Variants in KCNH5 observed in about 807,000 individuals in gnomAD.
KCNH5 encodes the protein voltage-gated delayed rectifier potassium channel KCNH5.
Under a neutral mutation model 96.1 loss-of-function variants are expected in KCNH5, and 46 were observed. That is an observed-to-expected ratio of 0.48 (90% confidence interval 0.38 to 0.61). The LOEUF (loss-of-function observed/expected upper bound fraction) is 0.61, where lower values mean the gene tolerates loss of function less well. Ranked by LOEUF, KCNH5 falls within the 20% of genes least tolerant of loss-of-function variation. The pLI is 0.00. For synonymous variants in KCNH5, 439 were observed against 449.8 expected, an observed-to-expected ratio of 0.98 and a Z score of 0.30; for missense variants, 907 against 1,225.8, an observed-to-expected ratio of 0.74 and a Z score of 3.88.
chr14:62,776,238 G>T (rs1566656876), intron 10 of KCNH5, among the ~76,000 whole-genome samples: 1 of 151,946 alleles, frequency 6.6e-6, no homozygotes, highest in Non-Finnish European at 1.5e-5. Flanking sequence ...CTGCACTCCA[G>T]CCTGGGTGAC....
intron 7 of KCNH5, among the ~76,000 whole-genome samples, chr14:62,853,072 A>G (rs1186027038): frequency 6.6e-6 from 1 of 152,202 alleles, no homozygotes; most frequent in Non-Finnish European, 1.5e-5. Context: ...CAAACAGCAA[A>G]GCCATACCTA....
chr14:62,709,817 C>A (rs1884531443), intron 10 of KCNH5, among the ~76,000 whole-genome samples: 1 of 152,060 alleles, frequency 6.6e-6, no homozygotes. Flanking sequence ...GCTCAGAGTC[C>A]TGAAAAGCAA....
chr14:62,818,817 A>T (rs923491099), intron 8 of KCNH5, among the ~76,000 whole-genome samples: 54 of 152,336 alleles, frequency 3.5e-4, no homozygotes, highest in African/African-American at 1.3e-3. Flanking sequence ...TTTACAAATT[A>T]AATGCTATAC....
chr14:62,890,453 T>TG (rs1888683860), intron 7 of KCNH5, among the ~76,000 whole-genome samples: 1 of 151,754 alleles, frequency 6.6e-6, no homozygotes, highest in African/African-American at 2.4e-5. Context: ...CCCAGCACTT[T>TG]GGGAGGCCGA....
At chr14:62,901,452 C>T (rs1888924234) in intron 7 of KCNH5, among the ~76,000 whole-genome samples, 1 of 152,152 alleles carries the variant, frequency 6.6e-6, no homozygotes, top group Non-Finnish European at 1.5e-5. Context: ...ATGTTTAGCT[C>T]CCACTTAAAA....
chr14:62,731,949 C>A (rs1885059717), intron 10 of KCNH5, among the ~76,000 whole-genome samples: 1 of 152,174 alleles, frequency 6.6e-6, no homozygotes, highest in Admixed American at 6.5e-5. Context: ...AATTCCTCAG[C>A]CACACACAAG....
At chr14:62,891,276 G>A (rs1411326967) in intron 7 of KCNH5, among the ~76,000 whole-genome samples, 1 of 152,146 alleles carries the variant, frequency 6.6e-6, no homozygotes, top group Non-Finnish European at 1.5e-5. Flanking sequence ...GGAGCTAGAG[G>A]CTATTATCCT....
At chr14:62,826,818 C>T (rs1489221902) in intron 8 of KCNH5, among the ~76,000 whole-genome samples, 1 of 151,776 alleles carries the variant, frequency 6.6e-6, no homozygotes, top group Non-Finnish European at 1.5e-5. Context: ...TTTATAGTTA[C>T]TTTCATCATA....
chr14:62,962,239 C>G (rs1890227034), intron 6 of KCNH5, among the ~76,000 whole-genome samples: 1 of 152,122 alleles, frequency 6.6e-6, no homozygotes, highest in Non-Finnish European at 1.5e-5. Context: ...TGTTTCAGCC[C>G]TTTGACCAGG....
chr14:62,705,693 T>C lies in KCNH5; in HGVS notation c.*1815A>G, dbSNP rs745927338. On this transcript the variant is annotated 3_prime_UTR_variant, in exon 11 of 11. Coordinates refer to ENST00000322893, the MANE Select transcript of KCNH5 (RefSeq NM_139318.5). ...GGCATGTGAAGTTCAATAGAAATTC[T>C]AAAATAGCAACTGTTTTTATAAATC... is the stretch of plus-strand genomic sequence containing the variant. 9 of 152,070 alleles carry C rather than the reference T, an allele frequency of 5.9e-5. No homozygotes were observed. Among genetic ancestry groups the C allele is most frequent in the African/African-American group, 9.6e-5 (4 of 41,458 alleles). 9.4% of individuals were successfully genotyped at this position (152,070 alleles called of 1,614,324 possible).
intron 10 of KCNH5, among the ~76,000 whole-genome samples, chr14:62,727,283 T>C (rs1884948077): frequency 6.6e-6 from 1 of 152,060 alleles, no homozygotes; most frequent in Admixed American, 6.6e-5. Context: ...GAGAATCACT[T>C]GAACCTGGGA....
intron 9 of KCNH5, among the ~76,000 whole-genome samples, chr14:62,787,593 G>T (rs942249966): frequency 1.3e-5 from 2 of 151,646 alleles, no homozygotes; most frequent in African/African-American, 4.9e-5. Context: ...GATGCCATCT[G>T]GGACTTTCAT....
chr14:62,790,371 T>G (rs921715205), intron 9 of KCNH5, among the ~76,000 whole-genome samples: 1 of 151,834 alleles, frequency 6.6e-6, no homozygotes, highest in Admixed American at 6.6e-5. Flanking sequence ...GTATTGCTTT[T>G]TGTCTATTTG....
At chr14:62,829,402 C>T (rs1213726452) in intron 8 of KCNH5, among the ~76,000 whole-genome samples, 1 of 152,224 alleles carries the variant, frequency 6.6e-6, no homozygotes, top group Non-Finnish European at 1.5e-5. Context: ...CTGCAGCAGG[C>T]TTCTGCCTAG....
chr14:62,870,910 C>A (rs1285797686), intron 7 of KCNH5, among the ~76,000 whole-genome samples: 1 of 152,160 alleles, frequency 6.6e-6, no homozygotes, highest in Non-Finnish European at 1.5e-5. Flanking sequence ...AAGATTCCAA[C>A]ACAGGTATTC....
In KCNH5 at chr14:62,737,882, A is replaced by T. The variant is rs562783618; in HGVS notation, c.2020-29427T>A. On this transcript the variant is annotated intron_variant, in intron 10 of 10. Transcript: ENST00000322893. ...AAAATAGAGTAGTCTCTCCTTATCC[A>T]CTGGGGACAATTCCAAGGCCCCCAG... is the stretch of plus-strand genomic sequence containing the variant. 5.3e-5 allele frequency among the ~76,000 whole-genome samples: 8 copies of T among 152,222 alleles called. No homozygotes were observed. The South Asian group carries it at 1.7e-3, about 32-fold the overall frequency.
intron 7 of KCNH5, among the ~76,000 whole-genome samples, chr14:62,936,674 C>CA (rs3080873): frequency 0.018 from 2,168 of 119,590 alleles, 36 homozygotes; most frequent in Non-Finnish European, 0.027. Flanking sequence ...GACCCTGCCT[C>CA]AAAAAAAAAA....
At chr14:62,739,934 C>T in intron 10 of KCNH5, among the ~76,000 whole-genome samples, 1 of 152,058 alleles carries the variant, frequency 6.6e-6, no homozygotes, top group East Asian at 1.9e-4. Context: ...AAATGTAAAC[C>T]TTTCAGCAAA....
chr14:62,820,373 G>T (rs1297000338), intron 8 of KCNH5, among the ~76,000 whole-genome samples: 2 of 146,780 alleles, frequency 1.4e-5, no homozygotes, highest in Non-Finnish European at 3.0e-5. Context: ...TTGAGATGGA[G>T]TCTCACTCTG....
Sources: allele counts gnomAD v4.1 joint callset (sites outside exome capture counted in the v4.1 genomes callset), GRCh38; gene constraint gnomAD v4.1.1; transcripts MANE v1.5; gene names NCBI Gene and HGNC (gene_info 2026-07-23, HGNC 2026-07-21).